The following CUX2 variants were observed in gnomAD, a reference collection of about 807,000 sequenced individuals.
CUX2 encodes the protein homeobox protein cut-like 2.
A neutral mutation model predicts 144.8 loss-of-function variants in CUX2; 40 were observed. The ratio of observed to expected loss-of-function variants is 0.28; its 90% CI spans 0.21 to 0.36. CUX2 has a LOEUF of 0.36. Ranked by LOEUF, CUX2 falls within the 10% of genes least tolerant of loss-of-function variation. The pLI, the probability that CUX2 is intolerant of heterozygous loss-of-function variation, is 1.00. For synonymous variants in CUX2, 827 were observed against 875.6 expected (o/e 0.94, Z 0.98); for missense variants, 1,615 against 1,994.0 (o/e 0.81, Z 3.62).
chr12:111,277,214 A>G lies in CUX2; in HGVS notation c.301+13375A>G, dbSNP rs952281538. Among the ~76,000 whole-genome samples the G allele has an allele frequency of 1.3e-5, 2 of 152,104 alleles. No individual in the cohort carries two copies. The highest frequency in any genetic ancestry group is 4.8e-5 in the African/African-American group (2 of 41,420). ...CTGAACCCAGCTGCCACCCTCGGCCATAGCACCCCGCCCTCCCAGCCTGCG... is the reference window on the plus strand; with the variant it reads ...CTGAACCCAGCTGCCACCCTCGGCCGTAGCACCCCGCCCTCCCAGCCTGCG... On this transcript the variant is annotated intron_variant, in intron 4 of 21. Transcript: ENST00000261726. The surrounding 1 kb of genome is among the most constrained non-coding windows in gnomAD (Gnocchi z 5.0).
intron 1 of CUX2, among the ~76,000 whole-genome samples, chr12:111,149,230 C>G (rs1326078858): frequency 2.6e-5 from 4 of 152,176 alleles, no homozygotes; most frequent in Non-Finnish European, 5.9e-5. Context: ...TGGCCCAACA[C>G]AAGCTCGTAA....
At chr12:111,134,612 C>CTGTGTG (rs1228524853) in intron 1 of CUX2, among the ~76,000 whole-genome samples, 44 of 143,894 alleles carry the variant, frequency 3.1e-4, no homozygotes, top group African/African-American at 1.2e-3. Context: ...CTCTCTCTCT[C>CTGTGTG]TCTCTCTCTG....
chr12:111,314,460 G>A (rs1436373106), intron 16 of CUX2, among the ~76,000 whole-genome samples: 1 of 152,018 alleles, frequency 6.6e-6, no homozygotes, highest in Non-Finnish European at 1.5e-5. Flanking sequence ...GGACAACATG[G>A]TGAAACCCCG....
intron 3 of CUX2, among the ~76,000 whole-genome samples, chr12:111,238,176 C>CAG (rs1302429101): frequency 1.5e-4 from 23 of 152,194 alleles, no homozygotes; most frequent in African/African-American, 5.5e-4. Flanking sequence ...CTTCCCAGGA[C>CAG]CTTTTACAAC....
chr12:111,155,715 A>G (rs1389859177), intron 1 of CUX2, among the ~76,000 whole-genome samples: 1 of 152,188 alleles, frequency 6.6e-6, no homozygotes, highest in East Asian at 1.9e-4. Flanking sequence ...AAACGCCACC[A>G]CACGCTCTCA....
rs144493796 is a variant in CUX2, at chr12:111,225,950, A to T, written c.222+8013A>T. 1.8e-3 allele frequency among the ~76,000 whole-genome samples: 276 copies of T among 152,268 alleles called. 1 individual carries two copies. The highest frequency in any genetic ancestry group is 3.4e-3 in the Middle Eastern group (1 of 294). On this transcript the variant is annotated intron_variant, in intron 3 of 21. Coordinates refer to ENST00000261726, the MANE Select transcript of CUX2 (RefSeq NM_015267.4). ...TCCCATCCTCTCTACTGCCCCCGACATGCACATGTGCACACACATGACCCA... is the reference window on the plus strand; with the variant it reads ...TCCCATCCTCTCTACTGCCCCCGACTTGCACATGTGCACACACATGACCCA...
At chr12:111,221,102 G>A (rs570189912) in intron 3 of CUX2, among the ~76,000 whole-genome samples, 27 of 152,264 alleles carry the variant, frequency 1.8e-4, no homozygotes, top group Non-Finnish European at 8.8e-5. Context: ...CAAAACCCAT[G>A]TGGCATATTG....
chr12:111,290,904 C>T (rs1313696061), intron 4 of CUX2, among the ~76,000 whole-genome samples: 2 of 151,516 alleles, frequency 1.3e-5, no homozygotes, highest in African/African-American at 4.9e-5. Flanking sequence ...GCTCTATCGC[C>T]CAGGCTGGAG....
chr12:111,343,757 A>G (rs999017894), intron 21 of CUX2, among the ~76,000 whole-genome samples: 2 of 152,204 alleles, frequency 1.3e-5, no homozygotes, highest in African/African-American at 4.8e-5. Context: ...CTGGGTATAA[A>G]CACATTATAA....
At chr12:111,038,502 C>G (rs1028601613) in intron 1 of CUX2, among the ~76,000 whole-genome samples, 3 of 152,228 alleles carry the variant, frequency 2.0e-5, no homozygotes, top group Admixed American at 1.3e-4. Context: ...TAAGACAAAC[C>G]CTTGGACTCT....
At chr12:111,156,997 A>C (rs1184040400) in intron 1 of CUX2, among the ~76,000 whole-genome samples, 2 of 150,936 alleles carry the variant, frequency 1.3e-5, no homozygotes, top group Admixed American at 6.6e-5. Flanking sequence ...AAAAAAAAAA[A>C]AAAAAAAAAA....
intron 3 of CUX2, among the ~76,000 whole-genome samples, chr12:111,251,774 G>A (rs982199080): frequency 3.3e-5 from 5 of 152,100 alleles, no homozygotes; most frequent in Non-Finnish European, 5.9e-5. Flanking sequence ...GGGTAGGTGG[G>A]CTTCCTAGGT....
chr12:111,252,996 C>T (rs2136277284), intron 3 of CUX2, among the ~76,000 whole-genome samples: 1 of 152,162 alleles, frequency 6.6e-6, no homozygotes, highest in Middle Eastern at 3.4e-3. Flanking sequence ...AACATCCACT[C>T]TGTGTTCCCA....
At chr12:111,276,151 G>A (rs1049644106) in intron 4 of CUX2, among the ~76,000 whole-genome samples, 9 of 152,080 alleles carry the variant, frequency 5.9e-5, no homozygotes, top group African/African-American at 2.2e-4. Context: ...CCAGGAGTTT[G>A]AGACCAGCCT....
At chr12:111,220,743 CAAAAAAAAAAAAAAAAAAAAAAA>C (rs549438290) in intron 3 of CUX2, among the ~76,000 whole-genome samples, 1 of 39,132 alleles carries the variant, frequency 2.6e-5, no homozygotes, top group East Asian at 1.5e-3. Flanking sequence ...CTCATCTCTG[CAAAAAAAAAAAAAAAAAAAAAAA>C]AAAAAAAAAA....
chr12:111,042,465 G>A (rs1039422805), intron 1 of CUX2, among the ~76,000 whole-genome samples: 1 of 152,156 alleles, frequency 6.6e-6, no homozygotes, highest in African/African-American at 2.4e-5. Flanking sequence ...CACCCCCAAA[G>A]ACTACCTGGA....
chr12:111,099,242 G>T (rs548559181), intron 1 of CUX2, among the ~76,000 whole-genome samples: 2 of 152,342 alleles, frequency 1.3e-5, no homozygotes, highest in Admixed American at 6.5e-5. Flanking sequence ...GAAACGGCCT[G>T]GCCAAAGGCT....
intron 18 of CUX2, among the ~76,000 whole-genome samples, chr12:111,330,708 T>TACAC (rs1376918595): frequency 3.1e-4 from 7 of 22,376 alleles, no homozygotes; most frequent in African/African-American, 1.2e-3. Flanking sequence ...TATATATATA[T>TACAC]ATATATATAT....
chr12:111,138,600 C>T (rs1336244276), intron 1 of CUX2, among the ~76,000 whole-genome samples: 1 of 152,122 alleles, frequency 6.6e-6, no homozygotes, highest in Non-Finnish European at 1.5e-5. Context: ...AAGAATCCCC[C>T]ATCCCTACCA....
Sources: gnomAD v4.1 joint callset for allele counts (sites outside exome capture counted in the v4.1 genomes callset) on GRCh38, gnomAD v4.1.1 for gene constraint, Gnocchi (gnomAD v3.1) non-coding constraint, MANE v1.5 for transcripts, NCBI Gene and HGNC (gene_info 2026-07-23, HGNC 2026-07-21) for gene names.